Variants in PCDH15 observed in about 807,000 individuals in gnomAD.
PCDH15 encodes the protein protocadherin related 15.
A neutral mutation model predicts 178.5 loss-of-function variants in PCDH15; 129 were observed. The observed-to-expected ratio is 0.72, with a 90% confidence interval of 0.63 to 0.84. The LOEUF (loss-of-function observed/expected upper bound fraction) is 0.84, where lower values mean the gene tolerates loss of function less well. Among genes scored for constraint, PCDH15 ranks in the 40% least tolerant of loss-of-function variants. PCDH15 has a pLI of 0.00. For missense variants in PCDH15, 2,230 were observed against 2,099.9 expected, an observed-to-expected ratio of 1.06 and a Z score of -1.21; for synonymous variants, 800 against 732.0, an observed-to-expected ratio of 1.09 and a Z score of -1.50.
intron 2 of PCDH15, among the ~76,000 whole-genome samples, chr10:54,615,594 C>A (rs1347737739): frequency 6.6e-6 from 1 of 151,968 alleles, no homozygotes; most frequent in Non-Finnish European, 1.5e-5. Context: ...GTACTTGAGA[C>A]ACGGAGACAA....
chr10:54,746,010 A>T (rs1233202506), intron 1 of PCDH15, among the ~76,000 whole-genome samples: 1 of 152,190 alleles, frequency 6.6e-6, no homozygotes, highest in Non-Finnish European at 1.5e-5. Context: ...TTAAAAATTT[A>T]CTAAATCCTT....
At chr10:55,587,664 CT>C (rs1380315098) in intron 2 of PCDH15, among the ~76,000 whole-genome samples, 1 of 152,130 alleles carries the variant, frequency 6.6e-6, no homozygotes, top group Non-Finnish European at 1.5e-5. Flanking sequence ...GATATAATAA[CT>C]TTAAAGAATA....
intron 3 of PCDH15, among the ~76,000 whole-genome samples, chr10:54,423,727 T>C (rs1955853096): frequency 6.6e-6 from 1 of 151,778 alleles, no homozygotes; most frequent in Admixed American, 6.5e-5. Flanking sequence ...GACATGAATT[T>C]GGGAAAAAAG....
chr10:55,563,191 C>T (rs1395666899), intron 2 of PCDH15, among the ~76,000 whole-genome samples: 1 of 151,780 alleles, frequency 6.6e-6, no homozygotes, highest in Non-Finnish European at 1.5e-5. Context: ...AAGGTGGTAG[C>T]CATTGTTTTT....
intron 1 of PCDH15, among the ~76,000 whole-genome samples, chr10:54,697,969 G>C (rs1020972254): frequency 7.6e-5 from 8 of 105,300 alleles, no homozygotes; most frequent in African/African-American, 2.5e-4. Context: ...CATTGGTAGA[G>C]AGACTCCTAA....
At chr10:54,657,155 C>T (rs899716013) in intron 2 of PCDH15, among the ~76,000 whole-genome samples, 2 of 152,136 alleles carry the variant, frequency 1.3e-5, no homozygotes, top group Non-Finnish European at 1.5e-5. Flanking sequence ...AGGGGCATAC[C>T]CATGGTCTCC....
chr10:54,195,874 C>A lies in PCDH15; in HGVS notation c.1114G>T (p.Gly372Cys). 1 of 1,613,428 alleles carries A rather than the reference C, an allele frequency of 6.2e-7. No individual in the cohort carries two copies. The highest frequency in any genetic ancestry group is 8.5e-7 in the Non-Finnish European group (1 of 1,179,606). ...CCGGCAAAGGCAGGAAGAGGATGAC[C>A]ATTGTCTTGTTCAGCCTAAAATTGA... is the stretch of plus-strand genomic sequence containing the variant. The part of the protein sequence containing the change: ...DLVIKAEQDN[G>C]HPLPAFAGLH... The change falls in exon 11 of 38, where the codon GGT (glycine) becomes TGT (cysteine). Residue 372 changes from glycine to cysteine, a missense_variant. Physicochemically the swap from Gly to Cys is radical, Grantham distance 159. Transcript: ENST00000644397.
intron 2 of PCDH15, among the ~76,000 whole-genome samples, chr10:55,137,381 G>C (rs767866165): frequency 1.3e-5 from 2 of 152,110 alleles, no homozygotes; most frequent in Non-Finnish European, 2.9e-5. Flanking sequence ...TGCAGCCTAA[G>C]AGTGAAAGGC....
At chr10:54,682,995 T>C (rs1290746537) in intron 1 of PCDH15, among the ~76,000 whole-genome samples, 1 of 152,064 alleles carries the variant, frequency 6.6e-6, no homozygotes, top group Admixed American at 6.6e-5. Flanking sequence ...ACACAATAAA[T>C]CCATGCAACA....
chr10:53,997,358 G>A lies in PCDH15; in HGVS notation c.2752-1593C>T, dbSNP rs920379487. Among the ~76,000 whole-genome samples the A allele has an allele frequency of 1.6e-4, 24 of 151,942 alleles. 1 individual carries two copies. Among genetic ancestry groups the A allele is most frequent in the Admixed American group, 4.6e-4 (7 of 15,260 alleles). On this transcript the variant is annotated intron_variant, in intron 20 of 37. Transcript: ENST00000644397. ...AAAACATTAGCATTCACACATTTTC[G>A]TGCCCTTTCCAAGAGTGCCAATTAA...
intron 14 of PCDH15, among the ~76,000 whole-genome samples, chr10:54,139,983 T>A (rs2043241894): frequency 6.6e-6 from 1 of 152,158 alleles, no homozygotes; most frequent in Non-Finnish European, 1.5e-5. Context: ...GGATGGTCTG[T>A]GTAAGTCATA....
intron 2 of PCDH15, among the ~76,000 whole-genome samples, chr10:55,032,099 G>T (rs373201751): frequency 2.0e-5 from 3 of 152,286 alleles, no homozygotes; most frequent in African/African-American, 7.2e-5. Flanking sequence ...GAGGAGAACT[G>T]CAGGGGAAGC....
chr10:53,806,755 T>C lies in PCDH15; in HGVS notation c.5047A>G (p.Thr1683Ala). 6.2e-7 allele frequency: 1 copy of C among 1,613,856 alleles called. No individual in the cohort carries two copies. The highest frequency in any genetic ancestry group is 8.5e-7 in the Non-Finnish European group (1 of 1,179,806). Residue 1683 changes from threonine to alanine, a missense_variant, in exon 38 of 38, where the codon ACA becomes GCA. Transcript: ENST00000644397. ...CTGTTCCTTAGTGGCTTCACCGCTG[T>C]ATTGTCAGTCCCCACAGGGCAAGGG... ...FAPCPVGTDN[T>A]AVKPLRNRLK...
At chr10:55,026,216 T>G (rs904369222) in intron 2 of PCDH15, among the ~76,000 whole-genome samples, 27 of 151,952 alleles carry the variant, frequency 1.8e-4, no homozygotes, top group African/African-American at 6.5e-4. Context: ...ACAAAATAGA[T>G]TGCAGATTTA....
intron 26 of PCDH15, among the ~76,000 whole-genome samples, chr10:53,868,988 T>A (rs887290558): frequency 1.3e-5 from 2 of 152,136 alleles, no homozygotes; most frequent in Non-Finnish European, 2.9e-5. Context: ...GCTAATTCTT[T>A]GTAGACACAG....
At chr10:54,497,448 T>C (rs1211075211) in intron 3 of PCDH15, among the ~76,000 whole-genome samples, 1 of 152,160 alleles carries the variant, frequency 6.6e-6, no homozygotes, top group Non-Finnish European at 1.5e-5. Context: ...CTCATGCAGA[T>C]TGAAATGGCT....
chr10:53,933,765 G>T (rs10825167), intron 25 of PCDH15, among the ~76,000 whole-genome samples: 1 of 151,364 alleles, frequency 6.6e-6, no homozygotes, highest in African/African-American at 2.4e-5. Flanking sequence ...TTCCACAGTG[G>T]TTGAACTAGC....
chr10:54,830,982 A>T (rs1953215839), intron 3 of PCDH15, among the ~76,000 whole-genome samples: 1 of 152,124 alleles, frequency 6.6e-6, no homozygotes, highest in South Asian at 2.1e-4. Context: ...ATGCAATAAG[A>T]AACCTTTTCA....
chr10:53,816,216 G>A (rs571635788), intron 35 of PCDH15, 23 bp downstream of exon 35: 1 of 398,806 alleles, frequency 2.5e-6, no homozygotes, highest in Admixed American at 4.4e-5. Flanking sequence ...CAGTGAGGTT[G>A]AAAAGAAAAT....
Sources: allele counts gnomAD v4.1 joint callset (sites outside exome capture counted in the v4.1 genomes callset), GRCh38; gene constraint gnomAD v4.1.1; transcripts MANE v1.5; gene names NCBI Gene and HGNC (gene_info 2026-07-23, HGNC 2026-07-21).